RBL2: variants seen among roughly 807,000 people sequenced by gnomAD.
The protein encoded by RBL2 is retinoblastoma-like protein 2.
In RBL2, 56 loss-of-function variants were observed where a neutral mutation model predicts 126.0. The observed-to-expected ratio is 0.44, with a 90% confidence interval of 0.36 to 0.56. The LOEUF (loss-of-function observed/expected upper bound fraction) is 0.56, where lower values mean the gene tolerates loss of function less well. Ranked by LOEUF, RBL2 falls within the 20% of genes least tolerant of loss-of-function variation. The pLI is 0.00. For synonymous variants in RBL2, 454 were observed against 478.5 expected (o/e 0.95, Z 0.67); for missense variants, 1,229 against 1,398.2 (o/e 0.88, Z 1.93).
At chr16:53,456,035 C>A (rs1171224554) in intron 8 of RBL2, among the ~76,000 whole-genome samples, 1 of 151,924 alleles carries the variant, frequency 6.6e-6, no homozygotes, top group Non-Finnish European at 1.5e-5. Context: ...AATAAGCTGG[C>A]CATGGTTGTG....
At chr16:53,482,496 A>G (rs1438017429) in intron 21 of RBL2, among the ~76,000 whole-genome samples, 1 of 152,188 alleles carries the variant, frequency 6.6e-6, no homozygotes, top group Non-Finnish European at 1.5e-5. Flanking sequence ...GCCCTTACAT[A>G]ATGAGATTTT....
intron 17 of RBL2, among the ~76,000 whole-genome samples, chr16:53,473,500 A>G (rs1004271870): frequency 2.0e-5 from 3 of 150,990 alleles, no homozygotes; most frequent in Middle Eastern, 6.8e-3. Flanking sequence ...ACACTTTTGT[A>G]TATTGATCTA....
intron 4 of RBL2, chr16:53,448,936 G>T (rs1199094161): frequency 6.6e-6 from 1 of 152,210 alleles, no homozygotes; most frequent in Non-Finnish European, 1.5e-5. Context: ...TTGGTCTCCA[G>T]GTTTGATTTG....
Position 53,479,269 on chromosome 16 carries a change from CTG to C in RBL2, c.2775+47_2775+48del, listed in dbSNP as rs773880772. On this transcript the variant is annotated intron_variant, in intron 18 of 21. Transcript: ENST00000262133. ...TGGGCTGAAAAATAAAGCTTAAAGT[CTG>C]TGATGAATACAAAAAATTAACCATA... 6.5e-6 allele frequency: 10 copies of C among 1,537,032 alleles called. No homozygotes were observed. The African/African-American group carries it at 1.2e-4, about 19-fold the overall frequency.
intron 20 of RBL2, chr16:53,481,259 A>T (rs1195375320): frequency 5.6e-6 from 1 of 177,202 alleles, no homozygotes; most frequent in Non-Finnish European, 1.2e-5. Flanking sequence ...GCATTAAACG[A>T]GTAAGATTGT....
intron 5 of RBL2, 100 bp downstream of exon 5, chr16:53,451,931 T>A: frequency 7.3e-7 from 1 of 1,360,770 alleles, no homozygotes; most frequent in Non-Finnish European, 1.0e-6. Flanking sequence ...TTTGAAGAGC[T>A]CCTGTCATTA....
intron 9 of RBL2, among the ~76,000 whole-genome samples, chr16:53,461,095 G>T (rs2058215110): frequency 1.3e-5 from 2 of 152,150 alleles, no homozygotes. Context: ...ATAGTTAAGG[G>T]CAAGTTTGGG....
chr16:53,485,524 CTG>C (rs1442300450), intron 21 of RBL2, among the ~76,000 whole-genome samples: 1 of 152,042 alleles, frequency 6.6e-6, no homozygotes, highest in Non-Finnish European at 1.5e-5. Flanking sequence ...AAATGGAAAA[CTG>C]TAAAGCAGAG....
chr16:53,477,270 A>G (rs1030625297), intron 17 of RBL2, among the ~76,000 whole-genome samples: 4 of 152,262 alleles, frequency 2.6e-5, no homozygotes, highest in African/African-American at 9.6e-5. Flanking sequence ...AGTAGCAGAA[A>G]GGAAAGGAGT....
intron 12 of RBL2, chr16:53,464,588 A>G: frequency 5.7e-6 from 2 of 353,898 alleles, no homozygotes; most frequent in Admixed American, 4.8e-5. Flanking sequence ...ATTCCTCTCT[A>G]TCTAATAAAA....
intron 17 of RBL2, among the ~76,000 whole-genome samples, chr16:53,474,039 G>A (rs1960626563): frequency 6.6e-6 from 1 of 151,990 alleles, no homozygotes; most frequent in Non-Finnish European, 1.5e-5. Flanking sequence ...TTGAGACAGT[G>A]TCTCGCTCTG....
chr16:53,438,887 G>T, intron 1 of RBL2, 129 bp from the exon 2 acceptor site: 2 of 410,482 alleles, frequency 4.9e-6, no homozygotes, highest in East Asian at 9.6e-5. Context: ...GTATGAGATA[G>T]GGTCATCATT....
intron 17 of RBL2, among the ~76,000 whole-genome samples, chr16:53,471,527 T>C (rs1314758033): frequency 6.6e-6 from 1 of 152,062 alleles, no homozygotes; most frequent in African/African-American, 2.4e-5. Context: ...TGGAGTGCAG[T>C]GGTGCATCTC....
At position 53,480,605 on chromosome 16, in the gene RBL2, A is replaced by C. The variant is rs1366435098; in HGVS notation, c.2920A>C (p.Thr974Pro). 5 of 1,614,028 alleles carry C rather than the reference A, an allele frequency of 3.1e-6. No homozygotes were observed. Among genetic ancestry groups the C allele is most frequent in the Non-Finnish European group, 4.2e-6 (5 of 1,179,984 alleles). ...DSSPVMRSSSTLPVPQPSSAP... is the reference protein window; with the variant it reads ...DSSPVMRSSSPLPVPQPSSAP... ...CAGTCCAGTTATGAGGTCAAGCAGC[A>C]CCTTGCCAGTTCCACAGCCCAGCAG... is the stretch of plus-strand genomic sequence containing the variant. The change falls in exon 20 of 22, where the codon ACC becomes CCC. Residue 974 changes from threonine to proline, a missense_variant. By Grantham distance (38) the Thr-to-Pro change is conservative. Around this residue, in one of 2 missense-constraint regions of RBL2, gnomAD observed 1,070 missense variants for 1,274.3 expected, o/e 0.84. Coordinates refer to ENST00000262133, the MANE Select transcript of RBL2 (RefSeq NM_005611.4).
intron 1 of RBL2, among the ~76,000 whole-genome samples, chr16:53,436,454 T>A (rs1296074747): frequency 6.6e-6 from 1 of 152,218 alleles, no homozygotes; most frequent in Admixed American, 6.5e-5. Context: ...AGTAAATGAT[T>A]TACTCAGTAA....
Position 53,434,630 on chromosome 16 carries a change from A to G in RBL2, c.74A>G (p.Glu25Gly). ...PPAAAASDEE[E>G]EDDGEAEDAA... ...GCGGCGGCAGCCTCGGATGAGGAGG[A>G]GGAGGACGACGGCGAGGCGGAAGAC... Residue 25 changes from glutamate to glycine, a missense_variant, in exon 1 of 22, where the codon GAG (glutamate) becomes GGG (glycine). Physicochemically the swap from Glu to Gly is moderately conservative, Grantham distance 98. This residue lies in a region of RBL2 where 159 missense variants were observed against 123.9 expected (regional missense o/e 1.28). Coordinates refer to ENST00000262133, the MANE Select transcript of RBL2 (RefSeq NM_005611.4). 1 of 1,563,334 alleles carries G rather than the reference A, an allele frequency of 6.4e-7. No homozygotes were observed. Among genetic ancestry groups the G allele is most frequent in the Non-Finnish European group, 8.6e-7 (1 of 1,164,776 alleles).
chr16:53,437,809 C>T (rs1403671386), intron 1 of RBL2, among the ~76,000 whole-genome samples: 2 of 151,900 alleles, frequency 1.3e-5, no homozygotes, highest in African/African-American at 2.4e-5. Context: ...GGGCGAGTCA[C>T]GAGGTCAGGA....
At position 53,443,853 on chromosome 16, in the gene RBL2, T is replaced by A. The variant is rs544319254; in HGVS notation, c.572+995T>A. Among the ~76,000 whole-genome samples the A allele has an allele frequency of 8.5e-5, 13 of 152,222 alleles. No individual in the cohort carries two copies. The South Asian group carries it at 2.7e-3, about 32-fold the overall frequency. ...TGACAAACCAGGAGGAAAAAAAATT[T>A]AAAAAAACTAGAACTATTTACATTT... is the stretch of plus-strand genomic sequence containing the variant. On this transcript the variant is annotated intron_variant, in intron 3 of 21. Coordinates refer to ENST00000262133, the MANE Select transcript of RBL2 (RefSeq NM_005611.4).
In RBL2 at chr16:53,479,901, T is replaced by C. The variant is rs761958437; in HGVS notation, c.2791T>C (p.Leu931=). The change falls in exon 19 of 22, where the codon TTG becomes CTG. Residue 931 remains leucine (L), a synonymous_variant. Coordinates refer to ENST00000262133, the MANE Select transcript of RBL2 (RefSeq NM_005611.4). ...QARSQVYRSV[L]IKGKRKRRNS... ...TTCTCTAAAGGTGTATAGAAGTGTT[T>C]TGATAAAAGGGAAAAGAAAAAGAAG... 1.2e-5 allele frequency: 20 copies of C among 1,605,564 alleles called. No individual in the cohort carries two copies. The highest frequency in any genetic ancestry group is 1.6e-5 in the Non-Finnish European group (19 of 1,173,478).
Sources: allele counts gnomAD v4.1 joint callset (sites outside exome capture counted in the v4.1 genomes callset), GRCh38; gene constraint gnomAD v4.1.1; regional missense constraint gnomAD v4.1.1; transcripts MANE v1.5; gene names NCBI Gene and HGNC (gene_info 2026-07-23, HGNC 2026-07-21).